Variants in DYNC1I1 observed in about 807,000 individuals in gnomAD.
The protein encoded by DYNC1I1 is cytoplasmic dynein 1 intermediate chain 1.
A neutral mutation model predicts 86.6 loss-of-function variants in DYNC1I1; 43 were observed. The ratio of observed to expected loss-of-function variants is 0.50; its 90% CI spans 0.39 to 0.64. The LOEUF (loss-of-function observed/expected upper bound fraction) is 0.64. Ranked by LOEUF, DYNC1I1 falls within the 30% of genes least tolerant of loss-of-function variation. The pLI is 0.00. For synonymous variants in DYNC1I1, 262 were observed against 283.7 expected, an observed-to-expected ratio of 0.92 and a Z score of 0.77; for missense variants, 604 against 788.8, an observed-to-expected ratio of 0.77 and a Z score of 2.81.
intron 1 of DYNC1I1, among the ~76,000 whole-genome samples, chr7:95,798,976 G>T (rs1451770785): frequency 6.6e-6 from 1 of 152,164 alleles, no homozygotes; most frequent in African/African-American, 2.4e-5. Context: ...GGGGAACCTG[G>T]CAAGGCAAGA....
chr7:96,038,051 T>C (rs947035084), intron 13 of DYNC1I1, among the ~76,000 whole-genome samples: 1 of 152,188 alleles, frequency 6.6e-6, no homozygotes, highest in South Asian at 2.1e-4. Context: ...CAGGGGCCAC[T>C]TCAAAGATCA....
At chr7:95,864,852 G>C (rs867286823) in intron 5 of DYNC1I1, among the ~76,000 whole-genome samples, 3 of 151,792 alleles carry the variant, frequency 2.0e-5, no homozygotes, top group Admixed American at 6.6e-5. Context: ...CTGATGGCAG[G>C]GTGGGGAAGC....
intron 7 of DYNC1I1, among the ~76,000 whole-genome samples, chr7:95,981,870 C>T (rs1015216906): frequency 6.6e-6 from 1 of 151,990 alleles, no homozygotes; most frequent in African/African-American, 2.4e-5. Flanking sequence ...TTATTAGATT[C>T]CAGGGATAGG....
chr7:96,080,867 C>G (rs536129906), intron 16 of DYNC1I1, among the ~76,000 whole-genome samples: 1 of 151,920 alleles, frequency 6.6e-6, no homozygotes, highest in Non-Finnish European at 1.5e-5. Flanking sequence ...GTCAGGAGTT[C>G]GAGACCAGGC....
intron 7 of DYNC1I1, among the ~76,000 whole-genome samples, chr7:95,982,399 C>CCT (rs1019872840): frequency 6.6e-6 from 1 of 152,114 alleles, no homozygotes; most frequent in African/African-American, 2.4e-5. Context: ...CTGAACTTGG[C>CCT]CTCTGCAAGC....
intron 14 of DYNC1I1, among the ~76,000 whole-genome samples, chr7:96,072,699 G>A (rs2116230092): frequency 1.3e-5 from 2 of 152,252 alleles, no homozygotes; most frequent in Middle Eastern, 6.8e-3. Context: ...TAACATGTTT[G>A]TGGATCCAGA....
intron 5 of DYNC1I1, among the ~76,000 whole-genome samples, chr7:95,851,080 C>T (rs1440935803): frequency 1.3e-5 from 2 of 150,252 alleles, no homozygotes; most frequent in Non-Finnish European, 3.0e-5. Flanking sequence ...GGGACCACAG[C>T]GTACCCTACA....
intron 6 of DYNC1I1, among the ~76,000 whole-genome samples, chr7:95,962,958 T>C (rs1461625820): frequency 1.3e-5 from 2 of 152,190 alleles, no homozygotes; most frequent in African/African-American, 4.8e-5. Context: ...GTGGATCAAA[T>C]AGCAAATGTG....
chr7:95,983,605 T>C (rs11763413), intron 7 of DYNC1I1, among the ~76,000 whole-genome samples: 12,282 of 152,174 alleles, frequency 0.081, 605 homozygotes, highest in Admixed American at 0.11. Flanking sequence ...ACACTACAGA[T>C]TTCTTAGGCT....
In DYNC1I1 at chr7:95,927,730, C is replaced by T. The variant is rs1035672388; in HGVS notation, c.491-49782C>T. ...ACTATTTTTATTTTTGCAATCTAAC[C>T]GTTAGTTTGAAATCATTTCCCAGTA... On this transcript the variant is annotated intron_variant, in intron 6 of 16. Coordinates refer to ENST00000447467, the MANE Select transcript of DYNC1I1 (RefSeq NM_001135556.2). 9.2e-5 allele frequency among the ~76,000 whole-genome samples: 14 copies of T among 152,000 alleles called. 1 individual carries two copies. Among genetic ancestry groups the T allele is most frequent in the African/African-American group, 1.7e-4 (7 of 41,360 alleles).
chr7:95,981,487 T>C (rs140460252), intron 7 of DYNC1I1, among the ~76,000 whole-genome samples: 171 of 152,280 alleles, frequency 1.1e-3, no homozygotes, highest in African/African-American at 4.0e-3. Context: ...GTCTTCTGAA[T>C]TTCATGTATT....
chr7:95,892,706 C>CTG (rs1790776436), intron 6 of DYNC1I1, among the ~76,000 whole-genome samples: 1 of 152,198 alleles, frequency 6.6e-6, no homozygotes, highest in African/African-American at 2.4e-5. Context: ...CTTGGCCTTC[C>CTG]AAAGTGCTGG....
At chr7:95,814,513 T>C (rs916044515) in intron 4 of DYNC1I1, among the ~76,000 whole-genome samples, 10 of 152,184 alleles carry the variant, frequency 6.6e-5, no homozygotes, top group Non-Finnish European at 1.0e-4. Context: ...GGCAAAGATA[T>C]AAAATTTTGC....
At chr7:96,068,209 G>A (rs1045157425) in intron 14 of DYNC1I1, among the ~76,000 whole-genome samples, 1 of 152,114 alleles carries the variant, frequency 6.6e-6, no homozygotes, top group African/African-American at 2.4e-5. Context: ...AACAGAAATT[G>A]ATTTCCATTC....
chr7:95,961,015 A>C (rs1792853538), intron 6 of DYNC1I1, among the ~76,000 whole-genome samples: 1 of 152,244 alleles, frequency 6.6e-6, no homozygotes, highest in African/African-American at 2.4e-5. Context: ...AGCTTTAATA[A>C]CTTTGTATAA....
rs1353996149 is a variant in DYNC1I1, at chr7:96,097,852, G to C, written c.*259G>C. 1.7e-6 allele frequency: 2 copies of C among 1,186,618 alleles called. No individual in the cohort carries two copies. The highest frequency in any genetic ancestry group is 8.2e-5 in the East Asian group (2 of 24,326). 73.5% of individuals were successfully genotyped at this position (1,186,618 alleles called of 1,614,324 possible). A position where few individuals can be genotyped will look rare whatever the true frequency, so the allele number is the denominator to read the frequency against. ...GAAGGGGGTTATGGGTTAAGTTGCT[G>C]CCTTTTAACTACTTTGTAGCTGTAT... On this transcript the variant is annotated 3_prime_UTR_variant, in exon 17 of 17. Transcript: ENST00000447467.
intron 12 of DYNC1I1, among the ~76,000 whole-genome samples, chr7:96,033,597 A>G (rs1480015202): frequency 2.6e-5 from 4 of 152,246 alleles, no homozygotes; most frequent in African/African-American, 7.2e-5. Context: ...AAACATGGAG[A>G]AAACTGCAAA....
At chr7:96,067,730 C>T (rs1160812451) in intron 14 of DYNC1I1, among the ~76,000 whole-genome samples, 1 of 152,168 alleles carries the variant, frequency 6.6e-6, no homozygotes, top group Non-Finnish European at 1.5e-5. Context: ...TGGGCTTTTC[C>T]ATTGTCCAAC....
At chr7:95,813,434 G>A (rs1284735968) in intron 4 of DYNC1I1, 97 bp downstream of exon 4, 2 of 1,402,692 alleles carry the variant, frequency 1.4e-6, no homozygotes, top group Non-Finnish European at 1.9e-6. Context: ...AAATGTGCAT[G>A]TATCTGCATG....
Sources: gnomAD v4.1 joint callset for allele counts (sites outside exome capture counted in the v4.1 genomes callset) on GRCh38, gnomAD v4.1.1 for gene constraint, MANE v1.5 for transcripts, NCBI Gene and HGNC (gene_info 2026-07-23, HGNC 2026-07-21) for gene names.